DPY19L1: variants seen among roughly 807,000 people sequenced by gnomAD.
The protein encoded by DPY19L1 is dpy-19 like C-mannosyltransferase 1.
DPY19L1 carries 35 observed loss-of-function variants against 96.9 expected under a neutral mutation model. The ratio of observed to expected loss-of-function variants is 0.36; its 90% CI spans 0.28 to 0.48. DPY19L1 has a LOEUF of 0.48. Ranked by LOEUF, DPY19L1 falls within the 20% of genes least tolerant of loss-of-function variation. DPY19L1 has a pLI of 0.99. For synonymous variants in DPY19L1, 205 were observed against 252.6 expected, an observed-to-expected ratio of 0.81 and a Z score of 1.79; for missense variants, 521 against 777.9, an observed-to-expected ratio of 0.67 and a Z score of 3.93.
chr7:34,941,920 G>C (rs201144083), intron 17 of DPY19L1, 36 bp from the exon 18 acceptor site: 235 of 1,551,560 alleles, frequency 1.5e-4, no homozygotes, highest in Non-Finnish European at 1.9e-4. Flanking sequence ...TACTCCTACT[G>C]TTTGTGAAGT....
At chr7:34,975,538 C>A (rs328893) in intron 7 of DPY19L1, among the ~76,000 whole-genome samples, 86,392 of 152,064 alleles carry the variant, frequency 0.57, 24,863 homozygotes, top group Admixed American at 0.7. Flanking sequence ...CTGATGTAGA[C>A]GCTGCAAGTT....
chr7:35,019,476 AAAG>A (rs1003847971), intron 1 of DPY19L1, among the ~76,000 whole-genome samples: 4 of 152,210 alleles, frequency 2.6e-5, no homozygotes, highest in South Asian at 4.1e-4. Context: ...AGAAAGAGAA[AAAG>A]AAGAAGTAGG....
chr7:35,031,319 T>G (rs1434234262), intron 1 of DPY19L1, among the ~76,000 whole-genome samples: 2 of 152,228 alleles, frequency 1.3e-5, no homozygotes, highest in African/African-American at 4.8e-5. Flanking sequence ...CTATTAGGTA[T>G]TCTAAGTAAT....
At chr7:34,950,016 A>C in intron 13 of DPY19L1, 118 bp from the exon 14 acceptor site, 1 of 520,348 alleles carries the variant, frequency 1.9e-6, no homozygotes, top group Admixed American at 4.2e-5. Flanking sequence ...TCCCACACCA[A>C]GCCTGCTTTT....
At chr7:35,031,221 C>CG in intron 1 of DPY19L1, among the ~76,000 whole-genome samples, 1 of 152,052 alleles carries the variant, frequency 6.6e-6, no homozygotes, top group East Asian at 1.9e-4. Flanking sequence ...AAATAGTAGG[C>CG]GGAAAAAAAA....
intron 6 of DPY19L1, among the ~76,000 whole-genome samples, chr7:35,000,068 G>A (rs982031433): frequency 1.3e-5 from 2 of 152,122 alleles, no homozygotes; most frequent in African/African-American, 4.8e-5. Flanking sequence ...ACAAAGCAGT[G>A]AAAATTCAGT....
intron 18 of DPY19L1, 103 bp from the exon 19 acceptor site, chr7:34,940,430 C>A: frequency 2.3e-6 from 2 of 880,406 alleles, no homozygotes; most frequent in Non-Finnish European, 1.6e-6. Flanking sequence ...TGCTAGAGTC[C>A]CAAATAAAGG....
chr7:35,023,833 CTTTTTTTTTTTTTTTTTTTT>C (rs973965492), intron 1 of DPY19L1, among the ~76,000 whole-genome samples: 37 of 111,810 alleles, frequency 3.3e-4, no homozygotes, highest in African/African-American at 1.2e-3. Context: ...CTTTTCTTTT[CTTTTTTTTTTTTTTTTTTTT>C]GAGACAGGGT....
At chr7:35,018,055 A>G (rs1785903203) in intron 2 of DPY19L1, 86 bp from the exon 3 acceptor site, 1 of 947,036 alleles carries the variant, frequency 1.1e-6, no homozygotes, top group Non-Finnish European at 1.5e-6. Flanking sequence ...AAATAAAAGT[A>G]TCAGTTAACT....
At chr7:34,967,201 C>G (rs1337180642) in intron 9 of DPY19L1, among the ~76,000 whole-genome samples, 2 of 152,148 alleles carry the variant, frequency 1.3e-5, no homozygotes, top group Admixed American at 1.3e-4. Flanking sequence ...GAATTGTCTA[C>G]TTTGTCAACT....
chr7:34,978,315 C>A (rs1016974515), intron 7 of DPY19L1, among the ~76,000 whole-genome samples: 2 of 152,154 alleles, frequency 1.3e-5, no homozygotes, highest in Admixed American at 1.3e-4. Flanking sequence ...AAATTACCCA[C>A]CTCTGCCTGC....
chr7:35,037,833 G>T, upstream of DPY19L1: 4 of 1,230,898 alleles, frequency 3.2e-6, no homozygotes, highest in Non-Finnish European at 2.0e-6. Context: ...CGGCGCCCGC[G>T]CGGGGCTCGG....
At chr7:34,989,495 A>G (rs1785118550) in intron 7 of DPY19L1, among the ~76,000 whole-genome samples, 1 of 152,086 alleles carries the variant, frequency 6.6e-6, no homozygotes, top group Non-Finnish European at 1.5e-5. Flanking sequence ...AAGCGTCTGT[A>G]GTCCCAGCTA....
At chr7:34,937,376 A>G (rs1783890736) in intron 21 of DPY19L1, among the ~76,000 whole-genome samples, 1 of 152,084 alleles carries the variant, frequency 6.6e-6, no homozygotes, top group Non-Finnish European at 1.5e-5. Flanking sequence ...GGATAATGTG[A>G]CCCCTGGTGC....
At chr7:35,032,466 T>C (rs1032964475) in intron 1 of DPY19L1, among the ~76,000 whole-genome samples, 4 of 151,982 alleles carry the variant, frequency 2.6e-5, no homozygotes, top group Admixed American at 6.6e-5. Flanking sequence ...TGGCAAAGAG[T>C]AAGCCCCCTA....
chr7:34,941,848 C>A lies in DPY19L1; in HGVS notation c.1606G>T (p.Ala536Ser). ...AGTCTCATAATTAAAATACCAAGGG[C>A]TGTATATGCTAACAATTGCAATGCA... is the stretch of plus-strand genomic sequence containing the variant. ...YHALQLLAYT[A>S]LGILIMRLKL... The change falls in exon 18 of 22, where the codon GCC becomes TCC. Residue 536 changes from alanine (A) to serine (S), a missense_variant. Transcript: ENST00000638088. 1 of 1,575,958 alleles carries A rather than the reference C, an allele frequency of 6.3e-7. No individual in the cohort carries two copies. Among genetic ancestry groups the A allele is most frequent in the Non-Finnish European group, 8.6e-7 (1 of 1,162,530 alleles).
At chr7:35,037,492 C>A (rs901251742), upstream of DPY19L1, 2 of 308,922 alleles carry the variant, frequency 6.5e-6, no homozygotes, top group Non-Finnish European at 1.2e-5. Context: ...CTCCAGCGGG[C>A]GGGCGGGCGG....
chr7:34,966,914 T>C lies in DPY19L1; in HGVS notation c.1072A>G (p.Lys358Glu). 4 of 1,538,480 alleles carry C rather than the reference T, an allele frequency of 2.6e-6. No individual in the cohort carries two copies. Among genetic ancestry groups the C allele is most frequent in the Non-Finnish European group, 3.5e-6 (4 of 1,143,950 alleles). ...VGYIDICKLR[K>E]IIYIHMISLA... ...ATTACCATGTGTATATAAATGATCT[T>C]CCGTAATTTACATATATCAATGTAC... The change falls in exon 10 of 22, where the codon AAG (lysine) becomes GAG (glutamate). Residue 358 changes from lysine (K) to glutamate (E), a missense_variant. Transcript: ENST00000638088.
intron 7 of DPY19L1, among the ~76,000 whole-genome samples, chr7:34,979,782 G>A (rs1372556416): frequency 2.6e-5 from 4 of 152,180 alleles, no homozygotes; most frequent in African/African-American, 7.2e-5. Flanking sequence ...TAAAGGAGAC[G>A]AATATAAATC....
Sources: gnomAD v4.1 joint callset for allele counts (sites outside exome capture counted in the v4.1 genomes callset) on GRCh38, gnomAD v4.1.1 for gene constraint, MANE v1.5 for transcripts, NCBI Gene and HGNC (gene_info 2026-07-23, HGNC 2026-07-21) for gene names.